PIN4: variants seen among roughly 807,000 people sequenced by gnomAD.
PIN4 encodes peptidyl-prolyl cis-trans isomerase NIMA-interacting 4.
PIN4 carries 3 observed loss-of-function variants against 8.3 expected under a neutral mutation model. The observed-to-expected ratio is 0.36, with a 90% CI of 0.16 to 0.93. The LOEUF (loss-of-function observed/expected upper bound fraction) is 0.93. Among genes scored for constraint, PIN4 ranks in the 40% least tolerant of loss-of-function variants. The pLI, the probability that PIN4 is intolerant of heterozygous loss-of-function variation, is 0.44. For missense variants in PIN4, 75 were observed against 100.6 expected (o/e 0.75, Z 1.09); for synonymous variants, 18 against 32.5 (o/e 0.55, Z 1.52).
intron 3 of PIN4, among the ~76,000 whole-genome samples, chrX:72,242,384 G>A (rs771093328): frequency 2.6e-4 from 29 of 111,695 alleles, no homozygotes; most frequent in Non-Finnish European, 4.0e-4. Context: ...CCTGTAGTCT[G>A]CTTCCCTTGG....
intron 3 of PIN4, among the ~76,000 whole-genome samples, chrX:72,245,128 A>G (rs2043063346): frequency 9.4e-6 from 1 of 106,680 alleles, no homozygotes; most frequent in South Asian, 4.2e-4. Flanking sequence ...TGGGGCAGGA[A>G]AAAAGATGAA....
Position 72,208,028 on chromosome X carries a change from T to C in PIN4, c.312+11124T>C, listed in dbSNP as rs1295908830. ...AGGAGGAGGCGATTACTTGCAGGAA[T>C]AGCACGAGCACATATTGCTGACTTA... On this transcript the variant is annotated intron_variant, in intron 3 of 3. Transcript: ENST00000423432. The C allele has an allele frequency of 1.7e-6, 2 of 1,211,714 alleles. No individual in the cohort carries two copies. The highest frequency in any genetic ancestry group is 2.2e-6 in the Non-Finnish European group (2 of 895,456).
chrX:72,223,594 G>T (rs1351081407), intron 3 of PIN4, among the ~76,000 whole-genome samples: 1 of 110,201 alleles, frequency 9.1e-6, no homozygotes, highest in Non-Finnish European at 1.9e-5. Context: ...TCGCCATGTT[G>T]GTCAGGCTGG....
chrX:72,190,065 TC>T (rs765293022), intron 2 of PIN4, among the ~76,000 whole-genome samples: 100 of 110,861 alleles, frequency 9.0e-4, no homozygotes, highest in Middle Eastern at 4.6e-3. Context: ...CCAATCCTGT[TC>T]CTCTGTTCTT....
chrX:72,242,100 T>C (rs2043051439), intron 3 of PIN4, among the ~76,000 whole-genome samples: 1 of 111,464 alleles, frequency 9.0e-6, no homozygotes, highest in Admixed American at 9.5e-5. Flanking sequence ...GAACTGAAGA[T>C]GAAGCAAAGC....
intron 2 of PIN4, among the ~76,000 whole-genome samples, chrX:72,187,446 C>G (rs1348600612): frequency 4.5e-5 from 5 of 111,608 alleles, no homozygotes; most frequent in Non-Finnish European, 7.5e-5. Context: ...GACATCTGCC[C>G]TGTGCCAAGC....
downstream of PIN4, chrX:72,199,090 ATT>A (rs200591212): frequency 9.2e-6 from 1 of 109,167 alleles, no homozygotes; most frequent in East Asian, 2.9e-4. Flanking sequence ...TTATTGATTG[ATT>A]TTTTTTTAAT....
intron 3 of PIN4, among the ~76,000 whole-genome samples, chrX:72,243,456 G>A: frequency 9.1e-6 from 1 of 109,980 alleles, no homozygotes; most frequent in East Asian, 2.8e-4. Flanking sequence ...ATGACATCTG[G>A]GACTTACATT....
At chrX:72,181,935 G>T in intron 1 of PIN4, 107 bp downstream of exon 1, 1 of 543,234 alleles carries the variant, frequency 1.8e-6, no homozygotes, top group Non-Finnish European at 3.3e-6. Context: ...GGTAGCCAGT[G>T]GCCCCACAGT....
intron 3 of PIN4, among the ~76,000 whole-genome samples, chrX:72,242,927 T>G (rs1282358701): frequency 1.9e-5 from 2 of 107,406 alleles, no homozygotes; most frequent in African/African-American, 3.4e-5. Context: ...GCAGGAGAAT[T>G]GCTTGAACCC....
intron 3 of PIN4, among the ~76,000 whole-genome samples, chrX:72,231,591 A>G (rs1419972833): frequency 9.1e-6 from 1 of 109,826 alleles, no homozygotes; most frequent in Non-Finnish European, 1.9e-5. Flanking sequence ...TCCCTCTGTC[A>G]CCCAGCCTGG....
At chrX:72,192,798 A>G (rs73624221) in intron 2 of PIN4, among the ~76,000 whole-genome samples, 11,514 of 109,641 alleles carry the variant, frequency 0.11, 863 homozygotes, top group East Asian at 0.48. Flanking sequence ...GGGTCTTACT[A>G]TGTTGCCCAG....
Position 72,188,261 on chromosome X carries a change from C to G in PIN4, c.117+1727C>G, listed in dbSNP as rs141568031. Reference sequence around the variant, plus strand: ...TATGACATCTTCATAAAGGGATATTCTAGGGTAATTTTGGCTATATGCAGT... The same window carrying G: ...TATGACATCTTCATAAAGGGATATTGTAGGGTAATTTTGGCTATATGCAGT... On this transcript the variant is annotated intron_variant, in intron 2 of 3. Transcript: ENST00000373669. 4.4e-3 allele frequency among the ~76,000 whole-genome samples: 492 copies of G among 112,642 alleles called. 4 individuals carry two copies. The highest frequency in any genetic ancestry group is 0.015 in the African/African-American group (467 of 31,064).
chrX:72,247,650 G>A (rs2043071671), intron 3 of PIN4, among the ~76,000 whole-genome samples: 1 of 112,349 alleles, frequency 8.9e-6, no homozygotes, highest in South Asian at 3.6e-4. Flanking sequence ...AGCTCTTGAG[G>A]GCAACAGGAG....
At chrX:72,186,653 CA>C in intron 2 of PIN4, 119 bp downstream of exon 2, 1 of 505,976 alleles carries the variant, frequency 2.0e-6, no homozygotes, top group Non-Finnish European at 3.3e-6. Context: ...GGTATAAAAT[CA>C]AAATAACACA....
chrX:72,214,685 A>C lies in PIN4; in HGVS notation c.312+17781A>C, dbSNP rs556245674. 6.3e-4 allele frequency among the ~76,000 whole-genome samples: 65 copies of C among 103,574 alleles called. No homozygotes were observed. In the South Asian group the frequency reaches 8.3e-3, roughly 13 times the overall value. The allele number at this position is 103,574 out of a possible 115,157, so 89.9% of individuals were successfully genotyped here. On this transcript the variant is annotated intron_variant, in intron 3 of 3. Coordinates refer to the PIN4 transcript ENST00000423432. ...GAGACTCCATCTCAAAAAAAAAAAAAAAAACAAAACAAAAGTTTAGGCCAG... is the reference window on the plus strand; with the variant it reads ...GAGACTCCATCTCAAAAAAAAAAAACAAAACAAAACAAAAGTTTAGGCCAG...
chrX:72,259,505 C>T (rs1461795461), intron 3 of PIN4, among the ~76,000 whole-genome samples: 2 of 110,661 alleles, frequency 1.8e-5, no homozygotes, highest in Non-Finnish European at 3.8e-5. Context: ...CAGGCATGAG[C>T]CACCATGCCT....
intron 3 of PIN4, among the ~76,000 whole-genome samples, chrX:72,260,576 C>A (rs1453088541): frequency 1.8e-5 from 2 of 111,924 alleles, no homozygotes; most frequent in Non-Finnish European, 3.8e-5. Context: ...AGGTTGAGAA[C>A]CATCTCTCCA....
intron 3 of PIN4, among the ~76,000 whole-genome samples, chrX:72,215,020 C>G (rs2042880402): frequency 8.9e-6 from 1 of 111,824 alleles, no homozygotes; most frequent in Non-Finnish European, 1.9e-5. Flanking sequence ...ACCCACCAAT[C>G]TGTGATATAT....
Sources: gnomAD v4.1 joint callset for allele counts (sites outside exome capture counted in the v4.1 genomes callset) on GRCh38, gnomAD v4.1.1 for gene constraint, MANE v1.5 for transcripts, NCBI Gene and HGNC (gene_info 2026-07-23, HGNC 2026-07-21) for gene names.